Variants in PIGK observed in about 807,000 individuals in gnomAD.
PIGK encodes the protein phosphatidylinositol glycan anchor biosynthesis class K.
PIGK carries 42 observed loss-of-function variants against 50.6 expected under a neutral mutation model. The observed-to-expected ratio is 0.83, with a 90% CI of 0.65 to 1.07. PIGK has a LOEUF of 1.07. Ranked by LOEUF, PIGK falls within the 50% of genes least tolerant of loss-of-function variation. The pLI, the probability that PIGK is intolerant of heterozygous loss-of-function variation, is 0.00. For missense variants in PIGK, 448 were observed against 488.7 expected, an observed-to-expected ratio of 0.92 and a Z score of 0.78; for synonymous variants, 151 against 156.0, an observed-to-expected ratio of 0.97 and a Z score of 0.24.
chr1:77,156,001 C>T (rs1655000413), intron 8 of PIGK, among the ~76,000 whole-genome samples: 1 of 152,132 alleles, frequency 6.6e-6, no homozygotes, highest in Non-Finnish European at 1.5e-5. Context: ...CCTAATACCA[C>T]ACTGCCAGCA....
intron 3 of PIGK, among the ~76,000 whole-genome samples, chr1:77,183,036 G>C (rs1182202607): frequency 1.3e-5 from 2 of 152,166 alleles, no homozygotes; most frequent in Non-Finnish European, 2.9e-5. Flanking sequence ...CCCTGACTGA[G>C]AGTCTTATCT....
intron 3 of PIGK, among the ~76,000 whole-genome samples, chr1:77,187,515 G>A (rs1367850593): frequency 1.3e-5 from 2 of 152,122 alleles, no homozygotes; most frequent in Admixed American, 1.3e-4. Flanking sequence ...GGACACTTTG[G>A]GCTCCTCCTA....
intron 2 of PIGK, among the ~76,000 whole-genome samples, chr1:77,208,106 G>T (rs1416132399): frequency 6.6e-6 from 1 of 151,978 alleles, no homozygotes; most frequent in Admixed American, 6.6e-5. Flanking sequence ...TGTGGTTGTA[G>T]TTCTAGCTAC....
intron 10 of PIGK, among the ~76,000 whole-genome samples, chr1:77,121,120 A>G (rs757780621): frequency 5.3e-5 from 8 of 152,168 alleles, no homozygotes; most frequent in Non-Finnish European, 8.8e-5. Flanking sequence ...GCAAACCACA[A>G]ACTGTTTCAT....
chr1:77,166,634 A>G (rs769103325), intron 5 of PIGK, 85 bp downstream of exon 5: 2 of 640,382 alleles, frequency 3.1e-6, no homozygotes, highest in Non-Finnish European at 5.4e-6. Context: ...AAATCATTTC[A>G]CGTGTTTAAA....
At chr1:77,119,652 T>C (rs1427544462) in intron 10 of PIGK, among the ~76,000 whole-genome samples, 1 of 152,228 alleles carries the variant, frequency 6.6e-6, no homozygotes, top group Non-Finnish European at 1.5e-5. Context: ...GCAGTTTAAA[T>C]ATCACACACA....
At chr1:77,178,871 GACCA>G (rs1447103525) in intron 3 of PIGK, among the ~76,000 whole-genome samples, 1 of 152,216 alleles carries the variant, frequency 6.6e-6, no homozygotes, top group Non-Finnish European at 1.5e-5. Context: ...GACATGCTGA[GACCA>G]GAAACCCAAA....
chr1:77,209,186 C>A (rs1656359807), intron 2 of PIGK, among the ~76,000 whole-genome samples: 1 of 152,034 alleles, frequency 6.6e-6, no homozygotes, highest in Non-Finnish European at 1.5e-5. Flanking sequence ...CATGTTTTTT[C>A]ATTAAGTCAA....
Position 77,169,383 on chromosome 1 carries a change from T to C in PIGK, c.252A>G (p.Leu84=). 3 of 1,591,440 alleles carry C rather than the reference T, an allele frequency of 1.9e-6. No individual in the cohort carries two copies. Among genetic ancestry groups the C allele is most frequent in the Non-Finnish European group, 2.6e-6 (3 of 1,172,574 alleles). ...TACAGGCCATATCATCTGCAAGCAT[T>C]AGGACAATGTGACTAGGGAAAAAAA... ...RLGIPDSHIV[L]MLADDMACNP... The change falls in exon 4 of 11, where the codon CTA becomes CTG. Residue 84 remains leucine, a synonymous_variant. Coordinates refer to ENST00000370812, the MANE Select transcript of PIGK (RefSeq NM_005482.3).
intron 9 of PIGK, among the ~76,000 whole-genome samples, chr1:77,136,630 T>G (rs1654525790): frequency 6.6e-6 from 1 of 151,938 alleles, no homozygotes; most frequent in African/African-American, 2.4e-5. Flanking sequence ...TTTTTAAATC[T>G]CTTATGTACT....
intron 9 of PIGK, among the ~76,000 whole-genome samples, chr1:77,139,801 G>C (rs1378840330): frequency 6.6e-6 from 1 of 152,102 alleles, no homozygotes; most frequent in Non-Finnish European, 1.5e-5. Flanking sequence ...TCTTGTAACG[G>C]AATAATTTTC....
intron 8 of PIGK, among the ~76,000 whole-genome samples, chr1:77,158,757 G>A (rs552546100): frequency 9.9e-5 from 15 of 152,232 alleles, no homozygotes; most frequent in South Asian, 4.1e-4. Flanking sequence ...GCAGCAAAGC[G>A]TTCAAGAGGA....
At chr1:77,092,949 C>T (rs538502127) in intron 10 of PIGK, among the ~76,000 whole-genome samples, 19 of 152,210 alleles carry the variant, frequency 1.2e-4, no homozygotes, top group African/African-American at 4.6e-4. Flanking sequence ...GTGAGTAAAT[C>T]AGTGGAAGAA....
chr1:77,197,542 A>T (rs944949715), intron 3 of PIGK, among the ~76,000 whole-genome samples: 8 of 152,232 alleles, frequency 5.3e-5, no homozygotes. Context: ...AGTGAGAAAC[A>T]AGGGAAGTAG....
intron 10 of PIGK, among the ~76,000 whole-genome samples, chr1:77,104,948 A>G (rs147655694): frequency 0.01 from 1,560 of 152,278 alleles, 22 homozygotes; most frequent in African/African-American, 0.036. Flanking sequence ...GCCTCAGTGC[A>G]TGGAGCAACG....
At chr1:77,167,068 A>G (rs1655251138) in intron 4 of PIGK, among the ~76,000 whole-genome samples, 1 of 152,230 alleles carries the variant, frequency 6.6e-6, no homozygotes, top group Non-Finnish European at 1.5e-5. Context: ...AAGGCAGGCC[A>G]TGGTGGCTCA....
chr1:77,097,562 T>C (rs892242183), intron 10 of PIGK, among the ~76,000 whole-genome samples: 4 of 149,032 alleles, frequency 2.7e-5, no homozygotes, highest in Non-Finnish European at 6.0e-5. Flanking sequence ...TGGGTTTTAA[T>C]TGAAAGATGA....
intron 3 of PIGK, among the ~76,000 whole-genome samples, chr1:77,187,546 T>A (rs1655778989): frequency 6.6e-6 from 1 of 152,190 alleles, no homozygotes; most frequent in Admixed American, 6.5e-5. Flanking sequence ...AACAGGCTAA[T>A]AAGGGAGTTA....
intron 9 of PIGK, among the ~76,000 whole-genome samples, chr1:77,134,816 T>C (rs1455894521): frequency 6.6e-6 from 1 of 152,234 alleles, no homozygotes; most frequent in Non-Finnish European, 1.5e-5. Flanking sequence ...ACTACTACTT[T>C]TGATATTTTC....
Sources: gnomAD v4.1 joint callset for allele counts (sites outside exome capture counted in the v4.1 genomes callset) on GRCh38, gnomAD v4.1.1 for gene constraint, MANE v1.5 for transcripts, NCBI Gene and HGNC (gene_info 2026-07-23, HGNC 2026-07-21) for gene names.